Variants in CELF4 observed in about 807,000 individuals in gnomAD.
CELF4 encodes the protein CUGBP Elav-like family member 4, also known as CUG-BP- and ETR-3-like factor 4.
CELF4 carries 18 observed loss-of-function variants against 59.9 expected under a neutral mutation model. That is an observed-to-expected ratio of 0.30 (90% CI 0.21 to 0.45). CELF4 has a LOEUF of 0.45. Among genes scored for constraint, CELF4 ranks in the 20% least tolerant of loss-of-function variants. CELF4 has a pLI of 1.00. For missense variants in CELF4, 456 were observed against 689.0 expected, an observed-to-expected ratio of 0.66 and a Z score of 3.79; for synonymous variants, 261 against 267.1, an observed-to-expected ratio of 0.98 and a Z score of 0.22.
rs556743307 is a variant in CELF4 at position 37,468,951 on chromosome 18, G to C, written c.369+16574C>G. Reference sequence around the variant, plus strand: ...GTATTATAATTTGAGATGAGATTTGGGTGGGGACACAGAGCCAAACCATAT... The same window carrying C: ...GTATTATAATTTGAGATGAGATTTGCGTGGGGACACAGAGCCAAACCATAT... On this transcript the variant is annotated intron_variant, in intron 2 of 12. Coordinates refer to ENST00000420428, the MANE Select transcript of CELF4 (RefSeq NM_020180.4). Among the ~76,000 whole-genome samples the C allele has an allele frequency of 5.3e-5, 8 of 152,234 alleles. No homozygotes were observed. In the East Asian group the frequency reaches 1.5e-3, roughly 29 times the overall value.
At chr18:37,478,430 G>C (rs2099856635) in intron 2 of CELF4, among the ~76,000 whole-genome samples, 1 of 152,206 alleles carries the variant, frequency 6.6e-6, no homozygotes, top group African/African-American at 2.4e-5. Flanking sequence ...ACTTGTTAGG[G>C]AGCCTTTCTG....
chr18:37,501,710 G>T (rs1359769708), intron 1 of CELF4, among the ~76,000 whole-genome samples: 1 of 152,230 alleles, frequency 6.6e-6, no homozygotes, highest in Non-Finnish European at 1.5e-5. Context: ...GGGCCTCAGT[G>T]GAGGTAGGTA....
At chr18:37,264,637 G>A in intron 10 of CELF4, 37 bp downstream of exon 10, 1 of 1,525,390 alleles carries the variant, frequency 6.6e-7, no homozygotes, top group Non-Finnish European at 8.9e-7. Flanking sequence ...GGACAACAGG[G>A]GGAGGGAGGG....
intron 3 of CELF4, among the ~76,000 whole-genome samples, chr18:37,293,614 C>T (rs1056050734): frequency 1.8e-4 from 27 of 152,168 alleles, no homozygotes; most frequent in African/African-American, 6.5e-4. Context: ...CCACTCCAGA[C>T]ACTGTAGGCT....
chr18:37,326,864 A>G (rs2097335882), intron 2 of CELF4, among the ~76,000 whole-genome samples: 1 of 152,142 alleles, frequency 6.6e-6, no homozygotes, highest in African/African-American at 2.4e-5. Context: ...GCATCAACAC[A>G]TATCCATGCA....
chr18:37,264,848 G>A (rs1485969786), intron 9 of CELF4, 91 bp from the exon 10 acceptor site: 3 of 1,149,978 alleles, frequency 2.6e-6, no homozygotes, highest in Middle Eastern at 2.0e-4. Flanking sequence ...GGCAGTAAAA[G>A]CAGATCAGCC....
chr18:37,460,853 C>T (rs1385542886), intron 2 of CELF4, among the ~76,000 whole-genome samples: 1 of 152,204 alleles, frequency 6.6e-6, no homozygotes, highest in Non-Finnish European at 1.5e-5. Flanking sequence ...CACCAAGTAA[C>T]AGCTGTGGGT....
At chr18:37,342,233 G>GCACACACACACA (rs56845978) in intron 2 of CELF4, among the ~76,000 whole-genome samples, 38 of 146,154 alleles carry the variant, frequency 2.6e-4, no homozygotes, top group African/African-American at 5.6e-4. Context: ...AACAGCACAT[G>GCACACACACACA]CACACACACA....
intron 7 of CELF4, among the ~76,000 whole-genome samples, chr18:37,271,664 T>A (rs1249163637): frequency 1.3e-5 from 2 of 152,216 alleles, no homozygotes; most frequent in Non-Finnish European, 2.9e-5. Context: ...GAAGTTTTTC[T>A]GCTCAGATGG....
At position 37,565,720 on chromosome 18, in the gene CELF4, CGCACACGCAT is replaced by C; in HGVS notation, c.-89_-80del. ...TCTCTCGCTCGCTCGCGCTCACACA[CGCACACGCAT>C]ACACACACTCGGGTTCTCTCCCCCT... On this transcript the variant is annotated 5_prime_UTR_variant, in exon 1 of 13. An upstream start codon of the reference 5' UTR is lost. Transcript: ENST00000420428. 2 of 1,267,498 alleles carry C rather than the reference CGCACACGCAT, an allele frequency of 1.6e-6. No homozygotes were observed. Among genetic ancestry groups the C allele is most frequent in the Non-Finnish European group, 2.2e-6 (2 of 924,574 alleles). 78.5% of individuals were successfully genotyped at this position (1,267,498 alleles called of 1,614,324 possible).
chr18:37,458,876 C>A (rs997840698), intron 2 of CELF4, among the ~76,000 whole-genome samples: 1 of 152,228 alleles, frequency 6.6e-6, no homozygotes, highest in African/African-American at 2.4e-5. Flanking sequence ...CAGAGTTCTT[C>A]GCTGGTTTTA....
In CELF4 at chr18:37,253,122, G is replaced by T. The variant is rs1003361089; in HGVS notation, c.*44+645C>A. Reference sequence around the variant, plus strand: ...GGCAGGACCCAGCCCAGCAGAAAAGGTAACAACGACCACTCATCATGACCC... The same window carrying T: ...GGCAGGACCCAGCCCAGCAGAAAAGTTAACAACGACCACTCATCATGACCC... On this transcript the variant is annotated intron_variant, in intron 12 of 12. Transcript: ENST00000420428. The surrounding 1 kb of genome is among the most constrained non-coding windows in gnomAD (Gnocchi z 4.5). Among the ~76,000 whole-genome samples, 1 of 152,142 alleles carries T rather than the reference G, an allele frequency of 6.6e-6. No individual in the cohort carries two copies. Among genetic ancestry groups the T allele is most frequent in the Non-Finnish European group, 1.5e-5 (1 of 68,014 alleles).
At chr18:37,557,675 C>T (rs190307475) in intron 1 of CELF4, among the ~76,000 whole-genome samples, 124 of 152,278 alleles carry the variant, frequency 8.1e-4, no homozygotes, top group Non-Finnish European at 1.4e-3. Flanking sequence ...AGCCGGCCTT[C>T]GGAAGTCTCT....
chr18:37,277,984 C>T (rs1478819622), intron 3 of CELF4, among the ~76,000 whole-genome samples: 2 of 152,212 alleles, frequency 1.3e-5, no homozygotes, highest in African/African-American at 2.4e-5. Context: ...CCTCTCCTGA[C>T]GTCTGAATGC....
chr18:37,451,494 T>C (rs1438884748), intron 2 of CELF4, among the ~76,000 whole-genome samples: 2 of 152,182 alleles, frequency 1.3e-5, no homozygotes, highest in African/African-American at 2.4e-5. Context: ...TGCATGTGTG[T>C]CACTGCATGT....
At chr18:37,378,157 C>T (rs930058073) in intron 2 of CELF4, among the ~76,000 whole-genome samples, 15 of 152,162 alleles carry the variant, frequency 9.9e-5, no homozygotes, top group Admixed American at 9.2e-4. Flanking sequence ...GTTCTTTCCC[C>T]ATGGTGGACC....
chr18:37,343,502 G>A (rs1354956639), intron 2 of CELF4, among the ~76,000 whole-genome samples: 1 of 152,066 alleles, frequency 6.6e-6, no homozygotes, highest in Non-Finnish European at 1.5e-5. Context: ...CAGTCTAAGG[G>A]TTGCCGGCCA....
intron 1 of CELF4, among the ~76,000 whole-genome samples, chr18:37,536,507 G>C (rs1331367531): frequency 1.3e-5 from 2 of 152,182 alleles, no homozygotes; most frequent in Non-Finnish European, 2.9e-5. Context: ...GTCTATGCAG[G>C]GCACCTGTGT....
At chr18:37,368,738 G>A (rs1049702221) in intron 2 of CELF4, among the ~76,000 whole-genome samples, 5 of 152,174 alleles carry the variant, frequency 3.3e-5, no homozygotes, top group African/African-American at 1.2e-4. Flanking sequence ...CCTTCCACAC[G>A]AGTGAATGAG....
Sources: allele counts gnomAD v4.1 joint callset (sites outside exome capture counted in the v4.1 genomes callset), GRCh38; gene constraint gnomAD v4.1.1; non-coding constraint Gnocchi (gnomAD v3.1); transcripts MANE v1.5; gene names NCBI Gene and HGNC (gene_info 2026-07-23, HGNC 2026-07-21).